The following PHACTR2 variants were observed in gnomAD, a reference collection of about 807,000 sequenced individuals.
PHACTR2 encodes chromosome 6 open reading frame 56.
In PHACTR2, 30 loss-of-function variants were observed where a neutral mutation model predicts 76.0. The ratio of observed to expected loss-of-function variants is 0.39; its 90% CI spans 0.30 to 0.54. PHACTR2 has a LOEUF of 0.54. PHACTR2 is among the 20% of genes least tolerant of loss of function. The pLI, the probability that PHACTR2 is intolerant of heterozygous loss-of-function variation, is 0.61. For synonymous variants in PHACTR2, 292 were observed against 292.5 expected (o/e 1.00, Z 0.02); for missense variants, 696 against 781.1 (o/e 0.89, Z 1.30).
In PHACTR2 at chr6:143,578,607, TGAGGGCTACGTG is replaced by T. The variant is rs1396844936; in HGVS notation, c.217+41407_217+41418del. On this transcript the variant is annotated intron_variant, in intron 1 of 11. Transcript: ENST00000367584. The surrounding 1 kb of genome is among the most constrained non-coding windows in gnomAD (Gnocchi z 4.5). Reference sequence around the variant, plus strand: ...AAAAATTTGCTGTTGACTTGGATGCTGAGGGCTACGTGGAGGGCCTGGACAATGAGGAGAGGA... The same window carrying T: ...AAAAATTTGCTGTTGACTTGGATGCTGAGGGCCTGGACAATGAGGAGAGGA... Among the ~76,000 whole-genome samples, 1 of 151,936 alleles carries T rather than the reference TGAGGGCTACGTG, an allele frequency of 6.6e-6. No individual in the cohort carries two copies. Among genetic ancestry groups the T allele is most frequent in the Non-Finnish European group, 1.5e-5 (1 of 67,998 alleles).
In PHACTR2 at chr6:143,658,450, C is replaced by T. The variant is rs1776888006; in HGVS notation, c.13+50128C>T. Among the ~76,000 whole-genome samples the T allele has an allele frequency of 6.6e-6, 1 of 152,096 alleles. No individual in the cohort carries two copies. The highest frequency in any genetic ancestry group is 2.1e-4 in the South Asian group (1 of 4,826). The stretch of plus-strand genomic sequence containing the variant: ...TTCAATAAAGTACAACCATGCATTG[C>T]TTAAAGACAGGGATACAATCTGAGG... On this transcript the variant is annotated intron_variant, in intron 1 of 11. Transcript: ENST00000305766. The surrounding 1 kb of genome is among the most constrained non-coding windows in gnomAD (Gnocchi z 4.1).
intron 1 of PHACTR2, among the ~76,000 whole-genome samples, chr6:143,635,255 A>G (rs1399056783): frequency 6.6e-6 from 1 of 152,026 alleles, no homozygotes; most frequent in Non-Finnish European, 1.5e-5. Context: ...TTTAAATACT[A>G]TTCCATTATT....
intron 9 of PHACTR2, among the ~76,000 whole-genome samples, chr6:143,779,794 T>C (rs1775375787): frequency 6.6e-6 from 1 of 151,794 alleles, no homozygotes; most frequent in African/African-American, 2.4e-5. Flanking sequence ...ACAGGACAAA[T>C]TATATTTCTT....
rs1414343054 is a variant in PHACTR2, at chr6:143,710,721, A to G, written c.47-1295A>G. On this transcript the variant is annotated intron_variant, in intron 1 of 12. Transcript: ENST00000440869. This position sits in a 1 kb window ranked among gnomAD's most constrained non-coding sequence, Gnocchi z 4.9. ...CAAAAAGAAAAAGTAAGTCTGTTTC[A>G]TCTTCTTGGAAGCAGAAGTCCTTGC... is the stretch of plus-strand genomic sequence containing the variant. 6.6e-6 allele frequency among the ~76,000 whole-genome samples: 1 copy of G among 152,210 alleles called. No individual in the cohort carries two copies. Among genetic ancestry groups the G allele is most frequent in the African/African-American group, 2.4e-5 (1 of 41,446 alleles).
rs984666331 is a variant in PHACTR2, at chr6:143,789,130, C to T, written c.1845+220C>T. On this transcript the variant is annotated intron_variant, in intron 11 of 12. Transcript: ENST00000440869. The surrounding 1 kb of genome is among the most constrained non-coding windows in gnomAD (Gnocchi z 5.1). ...AGAAAAGTAGTTATTTACCATATAA[C>T]CTACCTGCTTTCATACCTGGATGAG... is the stretch of plus-strand genomic sequence containing the variant. 3 of 393,674 alleles carry T rather than the reference C, an allele frequency of 7.6e-6. No homozygotes were observed. Among genetic ancestry groups the T allele is most frequent in the African/African-American group, 2.0e-5 (1 of 50,552 alleles). The allele number at this position is 393,674 out of a possible 1,614,324, so 24.4% of individuals were successfully genotyped here.
rs550380078 is a variant in PHACTR2 at position 143,818,244 on chromosome 6, C to T, written c.1923-5430C>T. 4.6e-4 allele frequency among the ~76,000 whole-genome samples: 70 copies of T among 152,232 alleles called. No homozygotes were observed. The highest frequency in any genetic ancestry group is 1.7e-3 in the African/African-American group (69 of 41,520). ...CCCAGAGAACACCAGAAAATCACCC[C>T]TTCAAATAGAAGTACAGATGAAGAC... On this transcript the variant is annotated intron_variant, in intron 12 of 12. Transcript: ENST00000440869. This position sits in a 1 kb window ranked among gnomAD's most constrained non-coding sequence, Gnocchi z 4.9.
In PHACTR2 at chr6:143,616,546, C is replaced by T. The variant is rs1040804980; in HGVS notation, c.13+8224C>T. Reference sequence around the variant, plus strand: ...CCTTGCCATTCAGTCGTTAATTCATCCATACATCCTGGTGATGTTTCCTGG... The same window carrying T: ...CCTTGCCATTCAGTCGTTAATTCATTCATACATCCTGGTGATGTTTCCTGG... On this transcript the variant is annotated intron_variant, in intron 1 of 11. Transcript: ENST00000305766. The surrounding 1 kb of genome is among the most constrained non-coding windows in gnomAD (Gnocchi z 4.9). Among the ~76,000 whole-genome samples the T allele has an allele frequency of 6.6e-6, 1 of 152,140 alleles. No individual in the cohort carries two copies. Among genetic ancestry groups the T allele is most frequent in the African/African-American group, 2.4e-5 (1 of 41,428 alleles).
intron 6 of PHACTR2, among the ~76,000 whole-genome samples, chr6:143,771,232 A>ATG (rs1775132083): frequency 4.3e-5 from 4 of 92,130 alleles, no homozygotes; most frequent in Non-Finnish European, 6.3e-5. Flanking sequence ...ATATATATAT[A>ATG]TATGCTTTTT....
rs1012917352 is a variant in PHACTR2, at chr6:143,647,379, C to T, written c.13+39057C>T. On this transcript the variant is annotated intron_variant, in intron 1 of 11. Transcript: ENST00000305766. The surrounding 1 kb of genome is among the most constrained non-coding windows in gnomAD (Gnocchi z 4.2). ...CTCCTGTTAACCAGTGACCTTTTCT[C>T]CTCTCAAAATTCTGCAGTAAATGGA... Among the ~76,000 whole-genome samples, 1 of 152,196 alleles carries T rather than the reference C, an allele frequency of 6.6e-6. No homozygotes were observed. Among genetic ancestry groups the T allele is most frequent in the Non-Finnish European group, 1.5e-5 (1 of 68,032 alleles).
chr6:143,726,679 C>G (rs1778579168), intron 2 of PHACTR2, among the ~76,000 whole-genome samples: 1 of 152,166 alleles, frequency 6.6e-6, no homozygotes, highest in Non-Finnish European at 1.5e-5. Flanking sequence ...GCATCCATCT[C>G]TTGGCTATTG....
chr6:143,633,071 T>A lies in PHACTR2; in HGVS notation c.13+24749T>A, dbSNP rs1317589532. The stretch of plus-strand genomic sequence containing the variant: ...TATGAATGAAGCTGCTATAAACATC[T>A]GTGTGCAGGGCTTTTTGCTGACATA... On this transcript the variant is annotated intron_variant, in intron 1 of 11. Transcript: ENST00000305766. This position sits in a 1 kb window ranked among gnomAD's most constrained non-coding sequence, Gnocchi z 4.1. Among the ~76,000 whole-genome samples, 1 of 152,234 alleles carries A rather than the reference T, an allele frequency of 6.6e-6. No homozygotes were observed. The highest frequency in any genetic ancestry group is 1.5e-5 in the Non-Finnish European group (1 of 68,044).
At position 143,753,414 on chromosome 6, in the gene PHACTR2, C is replaced by A. The variant is rs1392937335; in HGVS notation, c.296-340C>A. Among the ~76,000 whole-genome samples the A allele has an allele frequency of 6.6e-6, 1 of 152,132 alleles. No individual in the cohort carries two copies. The highest frequency in any genetic ancestry group is 2.4e-5 in the African/African-American group (1 of 41,428). On this transcript the variant is annotated intron_variant, in intron 3 of 12. Transcript: ENST00000440869. The surrounding 1 kb of genome is among the most constrained non-coding windows in gnomAD (Gnocchi z 4.6). Reference sequence around the variant, plus strand: ...TCCATTTTCCAGATTATTCCTCTCGCCATTCTGTTTCTGAATGACAAAGAA... The same window carrying A: ...TCCATTTTCCAGATTATTCCTCTCGACATTCTGTTTCTGAATGACAAAGAA...
At position 143,825,561 on chromosome 6, in the gene PHACTR2, C is replaced by T. The variant is rs1025087510; in HGVS notation, c.*1872C>T. ...TGCATGCCCAGGTGTCTGTCTCTGG[C>T]TGAGGTTTTGTCTATTTTACAGTGT... On this transcript the variant is annotated 3_prime_UTR_variant, in exon 13 of 13. Transcript: ENST00000440869. This position sits in a 1 kb window ranked among gnomAD's most constrained non-coding sequence, Gnocchi z 4.1. 4 of 152,038 alleles carry T rather than the reference C, an allele frequency of 2.6e-5. No individual in the cohort carries two copies. Among genetic ancestry groups the T allele is most frequent in the African/African-American group, 9.6e-5 (4 of 41,482 alleles). 9.4% of individuals were successfully genotyped at this position (152,038 alleles called of 1,614,324 possible).
In PHACTR2 at chr6:143,710,839, C is replaced by T. The variant is rs776857645; in HGVS notation, c.47-1177C>T. Among the ~76,000 whole-genome samples the T allele has an allele frequency of 3.9e-5, 6 of 152,292 alleles. No homozygotes were observed. Among genetic ancestry groups the T allele is most frequent in the South Asian group, 2.1e-4 (1 of 4,822 alleles). On this transcript the variant is annotated intron_variant, in intron 1 of 12. Coordinates refer to ENST00000440869, the MANE Select transcript of PHACTR2 (RefSeq NM_001100164.2). The surrounding 1 kb of genome is among the most constrained non-coding windows in gnomAD (Gnocchi z 4.9). ...AGAGAAGATAAAAGAATTGGTATCA[C>T]GCCTCATATGCGTATCTACCAGCTG... is the stretch of plus-strand genomic sequence containing the variant.
chr6:143,819,810 C>T lies in PHACTR2; in HGVS notation c.1923-3864C>T, dbSNP rs1184325125. On this transcript the variant is annotated intron_variant, in intron 12 of 12. Coordinates refer to ENST00000440869, the MANE Select transcript of PHACTR2 (RefSeq NM_001100164.2). This position sits in a 1 kb window ranked among gnomAD's most constrained non-coding sequence, Gnocchi z 5.0. ...TCCACTCAGACTCACAAGCCAGTCCCTGAAAACACCCTCACAGACTGTATT... is the reference window on the plus strand; with the variant it reads ...TCCACTCAGACTCACAAGCCAGTCCTTGAAAACACCCTCACAGACTGTATT... 6.6e-6 allele frequency among the ~76,000 whole-genome samples: 1 copy of T among 152,194 alleles called. No homozygotes were observed. The highest frequency in any genetic ancestry group is 1.5e-5 in the Non-Finnish European group (1 of 68,040).
chr6:143,702,199 C>G (rs1777930468), intron 1 of PHACTR2, among the ~76,000 whole-genome samples: 1 of 146,894 alleles, frequency 6.8e-6, no homozygotes, highest in Non-Finnish European at 1.5e-5. Flanking sequence ...CCTCCGCCTT[C>G]CTGGTTCAAG....
At chr6:143,600,901 A>G (rs2128435791) in intron 1 of PHACTR2, among the ~76,000 whole-genome samples, 1 of 152,372 alleles carries the variant, frequency 6.6e-6, no homozygotes, top group East Asian at 1.9e-4. Flanking sequence ...GGGCCTATAC[A>G]TTGAGCCTGG....
At chr6:143,574,302 G>A (rs1775481367) in intron 1 of PHACTR2, among the ~76,000 whole-genome samples, 1 of 152,206 alleles carries the variant, frequency 6.6e-6, no homozygotes, top group Non-Finnish European at 1.5e-5. Context: ...CATAATCACA[G>A]AGTGGTGTCC....
chr6:143,670,122 A>G (rs1708980172), intron 1 of PHACTR2, among the ~76,000 whole-genome samples: 1 of 152,140 alleles, frequency 6.6e-6, no homozygotes, highest in Non-Finnish European at 1.5e-5. Flanking sequence ...GTTTGGTTGG[A>G]TATGAAATTC....
Sources: allele counts gnomAD v4.1 joint callset (sites outside exome capture counted in the v4.1 genomes callset), GRCh38; gene constraint gnomAD v4.1.1; non-coding constraint Gnocchi (gnomAD v3.1); transcripts MANE v1.5; gene names NCBI Gene and HGNC (gene_info 2026-07-23, HGNC 2026-07-21).